The following THSD7B variants were observed in gnomAD, a reference collection of about 807,000 sequenced individuals.
THSD7B encodes thrombospondin type-1 domain-containing protein 7B.
Under a neutral mutation model 213.6 loss-of-function variants are expected in THSD7B, and 138 were observed. The ratio of observed to expected loss-of-function variants is 0.65; its 90% CI spans 0.56 to 0.74. THSD7B has a LOEUF of 0.74. THSD7B is among the 30% of genes least tolerant of loss of function. The pLI is 0.00. For synonymous variants in THSD7B, 742 were observed against 687.0 expected, an observed-to-expected ratio of 1.08 and a Z score of -1.25; for missense variants, 1,931 against 1,991.5, an observed-to-expected ratio of 0.97 and a Z score of 0.58.
intron 12 of THSD7B, among the ~76,000 whole-genome samples, chr2:137,391,827 G>A (rs1686034767): frequency 6.6e-6 from 1 of 152,026 alleles, no homozygotes; most frequent in Non-Finnish European, 1.5e-5. Context: ...CCTTGAGATG[G>A]AATATTAGCT....
chr2:137,139,961 T>C (rs984798002), intron 5 of THSD7B, among the ~76,000 whole-genome samples: 4 of 152,110 alleles, frequency 2.6e-5, no homozygotes, highest in African/African-American at 9.7e-5. Context: ...TTCGAATTGG[T>C]TTTTATTCAT....
At chr2:137,379,874 C>T (rs1356088929) in intron 12 of THSD7B, among the ~76,000 whole-genome samples, 5 of 152,218 alleles carry the variant, frequency 3.3e-5, no homozygotes, top group African/African-American at 1.2e-4. Context: ...CCCTGCTCCA[C>T]ACCAGCTCTC....
intron 15 of THSD7B, among the ~76,000 whole-genome samples, chr2:137,557,517 G>A (rs1452709206): frequency 2.0e-5 from 3 of 152,142 alleles, no homozygotes; most frequent in East Asian, 3.9e-4. Context: ...TGAAACCAAC[G>A]AGAACAAAGA....
At chr2:137,492,497 A>G (rs1679434136) in intron 15 of THSD7B, among the ~76,000 whole-genome samples, 1 of 152,184 alleles carries the variant, frequency 6.6e-6, no homozygotes, top group Non-Finnish European at 1.5e-5. Context: ...TGGTAGATGT[A>G]GTATTCTCAT....
chr2:137,526,668 T>A (rs1399350478), intron 15 of THSD7B, among the ~76,000 whole-genome samples: 2 of 152,004 alleles, frequency 1.3e-5, no homozygotes, highest in African/African-American at 4.8e-5. Flanking sequence ...AGGTGATCCA[T>A]CCACCTTAGC....
At chr2:136,825,472 A>G (rs1201859023) in intron 1 of THSD7B, among the ~76,000 whole-genome samples, 1 of 152,066 alleles carries the variant, frequency 6.6e-6, no homozygotes, top group Non-Finnish European at 1.5e-5. Flanking sequence ...TCCACCTTCA[A>G]AGCCTGCAGC....
chr2:137,656,590 G>T (rs1683240378), intron 22 of THSD7B, among the ~76,000 whole-genome samples: 2 of 152,064 alleles, frequency 1.3e-5, no homozygotes, highest in African/African-American at 4.8e-5. Context: ...TCTAGTTTTT[G>T]GCACTTTCTT....
chr2:137,162,519 GA>G (rs34045457), intron 6 of THSD7B, among the ~76,000 whole-genome samples: 8,878 of 151,866 alleles, frequency 0.058, 265 homozygotes, highest in Admixed American at 0.079. Flanking sequence ...GACTCCCTCA[GA>G]AAAAAAATGA....
chr2:137,399,030 C>A lies in THSD7B; in HGVS notation c.2501-6583C>A, dbSNP rs369188728. Among the ~76,000 whole-genome samples the A allele has an allele frequency of 5.9e-5, 9 of 152,178 alleles. No individual in the cohort carries two copies. The East Asian group carries it at 1.6e-3, about 26-fold the overall frequency. On this transcript the variant is annotated intron_variant, in intron 12 of 27. Coordinates refer to ENST00000409968, the MANE Select transcript of THSD7B (RefSeq NM_001316349.2). ...GCCTCGCCCTGCTTCGGCTCGCGCA[C>A]GGTGCGCGCACCCACTGACCTGCGC...
intron 6 of THSD7B, among the ~76,000 whole-genome samples, chr2:137,169,655 A>C (rs1029422103): frequency 6.6e-6 from 1 of 152,172 alleles, no homozygotes. Context: ...GTTAAAAGAA[A>C]AAGGAATTAA....
In THSD7B at chr2:137,354,002, TC is replaced by T. The variant is rs200298263; in HGVS notation, c.2501-51610del. Among the ~76,000 whole-genome samples the T allele has an allele frequency of 4.8e-3, 736 of 152,226 alleles. 3 individuals are homozygous for T. Among genetic ancestry groups the T allele is most frequent in the Admixed American group, 9.9e-3 (151 of 15,250 alleles). On this transcript the variant is annotated intron_variant, in intron 12 of 27. Transcript: ENST00000409968. ...TCTAGTCTCCCAGCTGAGTCTGATG[TC>T]TGATCCTTCTCTGTCCCAGACTAAT...
At chr2:137,132,320 CT>C (rs1297768964) in intron 5 of THSD7B, among the ~76,000 whole-genome samples, 3 of 150,990 alleles carry the variant, frequency 2.0e-5, no homozygotes, top group African/African-American at 7.3e-5. Flanking sequence ...ATCATGTCGT[CT>C]GCAAACAGGG....
At chr2:137,548,294 G>A (rs774667731) in intron 15 of THSD7B, among the ~76,000 whole-genome samples, 5 of 151,944 alleles carry the variant, frequency 3.3e-5, no homozygotes, top group Non-Finnish European at 7.4e-5. Flanking sequence ...CCAAAAAGTA[G>A]CAGTGATGTT....
At chr2:137,558,771 A>C (rs1018681998) in intron 15 of THSD7B, among the ~76,000 whole-genome samples, 39 of 152,194 alleles carry the variant, frequency 2.6e-4, no homozygotes, top group Admixed American at 2.3e-3. Context: ...AGGAATTCAA[A>C]TTGTCCCTGT....
intron 20 of THSD7B, among the ~76,000 whole-genome samples, chr2:137,632,086 C>G (rs978104860): frequency 5.3e-5 from 8 of 152,096 alleles, no homozygotes; most frequent in African/African-American, 1.9e-4. Flanking sequence ...GATTTGAACC[C>G]AAGTTCAGGT....
At chr2:136,975,258 A>G (rs1685461910) in intron 2 of THSD7B, among the ~76,000 whole-genome samples, 1 of 152,206 alleles carries the variant, frequency 6.6e-6, no homozygotes, top group African/African-American at 2.4e-5. Context: ...TGTTTTCATC[A>G]TAAAATCTTT....
intron 7 of THSD7B, among the ~76,000 whole-genome samples, chr2:137,222,053 T>C (rs557892650): frequency 6.6e-6 from 1 of 152,324 alleles, no homozygotes; most frequent in African/African-American, 2.4e-5. Context: ...GTAAGAGACA[T>C]AGTATCTTTA....
At chr2:136,831,868 C>A (rs1018323854) in intron 1 of THSD7B, among the ~76,000 whole-genome samples, 1 of 152,144 alleles carries the variant, frequency 6.6e-6, no homozygotes, top group Non-Finnish European at 1.5e-5. Flanking sequence ...CCTTTAAGCC[C>A]AGCGCAGTCC....
intron 2 of THSD7B, among the ~76,000 whole-genome samples, chr2:136,942,554 G>A (rs1173251651): frequency 6.6e-6 from 1 of 152,158 alleles, no homozygotes; most frequent in Admixed American, 6.5e-5. Context: ...TCTCCTTGAA[G>A]AGGTCCTTCA....
Sources: gnomAD v4.1 joint callset for allele counts (sites outside exome capture counted in the v4.1 genomes callset) on GRCh38, gnomAD v4.1.1 for gene constraint, MANE v1.5 for transcripts, NCBI Gene and HGNC (gene_info 2026-07-23, HGNC 2026-07-21) for gene names.